TRMT44: variants seen among roughly 807,000 people sequenced by gnomAD.
The protein encoded by TRMT44 is probable tRNA (uracil-O(2)-)-methyltransferase.
TRMT44 carries 78 observed loss-of-function variants against 77.3 expected under a neutral mutation model. That is an observed-to-expected ratio of 1.01 (90% CI 0.84 to 1.22). The LOEUF (loss-of-function observed/expected upper bound fraction) is 1.22. Ranked by LOEUF, TRMT44 falls within the 50% of genes most tolerant of loss-of-function variation. TRMT44 has a pLI of 0.00. For synonymous variants in TRMT44, 391 were observed against 383.3 expected (o/e 1.02, Z -0.23); for missense variants, 1,090 against 964.4 (o/e 1.13, Z -1.73).
At chr4:8,455,115 G>T (rs1366529132) in intron 6 of TRMT44, among the ~76,000 whole-genome samples, 1 of 152,214 alleles carries the variant, frequency 6.6e-6, no homozygotes, top group African/African-American at 2.4e-5. Flanking sequence ...TGAGGTGGGG[G>T]CTGTGCCCCG....
chr4:8,449,555 T>C, intron 2 of TRMT44, 114 bp from the exon 3 acceptor site: 1 of 817,236 alleles, frequency 1.2e-6, no homozygotes, highest in East Asian at 2.7e-5. Context: ...GTTTTATGTT[T>C]TTGGTAATAT....
chr4:8,485,042 A>G (rs927942689), intron 2 of TRMT44, among the ~76,000 whole-genome samples: 7 of 152,208 alleles, frequency 4.6e-5, no homozygotes, highest in Non-Finnish European at 8.8e-5. Flanking sequence ...GGCTACAAAG[A>G]AGGTCATCAA....
At chr4:8,486,538 G>C (rs1727809993) in intron 2 of TRMT44, among the ~76,000 whole-genome samples, 1 of 151,738 alleles carries the variant, frequency 6.6e-6, no homozygotes, top group Non-Finnish European at 1.5e-5. Flanking sequence ...TTTGGGAGCA[G>C]ATAGGGTAAT....
At position 8,452,742 on chromosome 4, in the gene TRMT44, G is replaced by GAAA; in HGVS notation, c.1024-130_1024-128dup. 4 of 421,566 alleles carry GAAA rather than the reference G, an allele frequency of 9.5e-6. No individual in the cohort carries two copies. The highest frequency in any genetic ancestry group is 3.2e-5 in the South Asian group (1 of 30,964). 26.1% of individuals were successfully genotyped at this position (421,566 alleles called of 1,614,324 possible). A position where few individuals can be genotyped will look rare whatever the true frequency, so the allele number is the denominator to read the frequency against. ...AGAGCAACACTCCATCTCAAAAAAA[G>GAAA]AAAAAAAAAAAAGAATGTTTAGTGT... is the stretch of plus-strand genomic sequence containing the variant. On this transcript the variant is annotated intron_variant, in intron 4 of 10. Transcript: ENST00000389737. This position sits in a 1 kb window ranked among gnomAD's most constrained non-coding sequence, Gnocchi z 5.7.
At position 8,440,858 on chromosome 4, in the gene TRMT44, A is replaced by G. The variant is rs1321115964; in HGVS notation, c.36A>G (p.Pro12=). ...AEVGRTGISY[P]GALLPQGFWA... is the part of the protein sequence containing the mutation. ...TGGGCCGTACCGGGATCAGCTACCC[A>G]GGCGCGCTTCTCCCACAGGGCTTCT... The change falls in exon 1 of 11, where the codon CCA becomes CCG. Residue 12 remains proline, a synonymous_variant. Transcript: ENST00000389737. 5 of 1,517,344 alleles carry G rather than the reference A, an allele frequency of 3.3e-6. No individual in the cohort carries two copies. The highest frequency in any genetic ancestry group is 2.3e-4 in the Middle Eastern group (1 of 4,338). 94.0% of individuals were successfully genotyped at this position (1,517,344 alleles called of 1,614,324 possible).
At chr4:8,483,910 G>T (rs966328004) in intron 2 of TRMT44, among the ~76,000 whole-genome samples, 2 of 152,198 alleles carry the variant, frequency 1.3e-5, no homozygotes, top group Non-Finnish European at 2.9e-5. Flanking sequence ...AGGGCATGTT[G>T]AGTAAAGCTA....
Position 8,452,754 on chromosome 4 carries a change from A to AT in TRMT44, c.1024-128_1024-127insT. On this transcript the variant is annotated intron_variant, in intron 4 of 10. Coordinates refer to ENST00000389737, the MANE Select transcript of TRMT44 (RefSeq NM_152544.3). This position sits in a 1 kb window ranked among gnomAD's most constrained non-coding sequence, Gnocchi z 5.7. Reference sequence around the variant, plus strand: ...CATCTCAAAAAAAGAAAAAAAAAAAAGAATGTTTAGTGTAGATGATTTCAA... The same window carrying AT: ...CATCTCAAAAAAAGAAAAAAAAAAAATGAATGTTTAGTGTAGATGATTTCAA... 3.8e-6 allele frequency: 2 copies of AT among 525,820 alleles called. No individual in the cohort carries two copies. The highest frequency in any genetic ancestry group is 6.6e-6 in the Non-Finnish European group (2 of 305,310). 32.6% of individuals were successfully genotyped at this position (525,820 alleles called of 1,614,324 possible). A position where few individuals can be genotyped will look rare whatever the true frequency, so the allele number is the denominator to read the frequency against.
chr4:8,490,181 G>A (rs1039985833), intron 2 of TRMT44, among the ~76,000 whole-genome samples: 5 of 152,040 alleles, frequency 3.3e-5, no homozygotes, highest in Admixed American at 6.5e-5. Flanking sequence ...CGCCTTCCCC[G>A]AAACTGCCTT....
At chr4:8,459,460 C>T (rs1052283535) in intron 6 of TRMT44, among the ~76,000 whole-genome samples, 2 of 152,174 alleles carry the variant, frequency 1.3e-5, no homozygotes, top group African/African-American at 4.8e-5. Context: ...GTTAGGTCAG[C>T]CATGTGTACG....
chr4:8,486,204 C>T (rs1448660015), intron 2 of TRMT44, among the ~76,000 whole-genome samples: 1 of 152,198 alleles, frequency 6.6e-6, no homozygotes, highest in Non-Finnish European at 1.5e-5. Context: ...GGGCTGCGGG[C>T]ATTCCTTGGC....
At chr4:8,471,543 C>G (rs1444634121) in intron 10 of TRMT44, among the ~76,000 whole-genome samples, 2 of 152,232 alleles carry the variant, frequency 1.3e-5, no homozygotes, top group African/African-American at 4.8e-5. Context: ...GGCTGGGGGT[C>G]ATTGTTTGGC....
intron 2 of TRMT44, among the ~76,000 whole-genome samples, chr4:8,448,051 C>T (rs925814801): frequency 2.0e-5 from 3 of 151,990 alleles, no homozygotes; most frequent in African/African-American, 4.8e-5. Flanking sequence ...TAGTCGGCAT[C>T]GGAGTGACGT....
chr4:8,500,497 A>G, the TRMT44 span, among the ~76,000 whole-genome samples: 3 of 151,958 alleles, frequency 2.0e-5, no homozygotes, highest in Non-Finnish European at 4.4e-5. Context: ...CTCCCTCTGG[A>G]AAAAATAAAT....
chr4:8,508,366 G>A, the TRMT44 span, among the ~76,000 whole-genome samples: 1 of 152,190 alleles, frequency 6.6e-6, no homozygotes, highest in African/African-American at 2.4e-5. Context: ...GGGCCCTGAG[G>A]GTGGGTCTGG....
At chr4:8,500,849 C>T in the TRMT44 span, among the ~76,000 whole-genome samples, 26 of 152,098 alleles carry the variant, frequency 1.7e-4, no homozygotes, top group African/African-American at 6.0e-4. Flanking sequence ...TTAGTAGAGA[C>T]GGAGGTTTCA....
the TRMT44 span, among the ~76,000 whole-genome samples, chr4:8,515,555 A>G: frequency 6.6e-6 from 1 of 152,192 alleles, no homozygotes; most frequent in East Asian, 1.9e-4. Context: ...GTGGGAGCCC[A>G]GAGGAGTGCC....
At chr4:8,494,514 C>T (rs1002255961), downstream of TRMT44, among the ~76,000 whole-genome samples, 2 of 152,228 alleles carry the variant, frequency 1.3e-5, no homozygotes, top group Non-Finnish European at 2.9e-5. Flanking sequence ...CAAAAGAACA[C>T]AACTGTTTGT....
rs543954772 is a variant in TRMT44 at position 8,446,371 on chromosome 4, G to A, written c.620-105G>A. On this transcript the variant is annotated intron_variant, in intron 1 of 10. Coordinates refer to ENST00000389737, the MANE Select transcript of TRMT44 (RefSeq NM_152544.3). The surrounding 1 kb of genome is among the most constrained non-coding windows in gnomAD (Gnocchi z 4.3). ...AGTGCCATTGTGAATAGAGTGCTGG[G>A]GGATTGAAAGCATCGTGCTTGACTC... 4 of 708,956 alleles carry A rather than the reference G, an allele frequency of 5.6e-6. No homozygotes were observed. The highest frequency in any genetic ancestry group is 2.4e-5 in the Admixed American group (1 of 42,344). The allele number at this position is 708,956 out of a possible 1,614,324, so 43.9% of individuals were successfully genotyped here.
At chr4:8,508,274 G>A in the TRMT44 span, among the ~76,000 whole-genome samples, 5 of 152,226 alleles carry the variant, frequency 3.3e-5, no homozygotes, top group South Asian at 2.1e-4. Context: ...GGGCAATTTC[G>A]TATGGCTGTG....
Sources: gnomAD v4.1 joint callset for allele counts (sites outside exome capture counted in the v4.1 genomes callset) on GRCh38, gnomAD v4.1.1 for gene constraint, Gnocchi (gnomAD v3.1) non-coding constraint, MANE v1.5 for transcripts, NCBI Gene and HGNC (gene_info 2026-07-23, HGNC 2026-07-21) for gene names.